The following PPP1R16B variants were observed in gnomAD, a reference collection of about 807,000 sequenced individuals.
PPP1R16B encodes the protein protein phosphatase 1 regulatory subunit 16B, also known as protein phosphatase 1 regulatory inhibitor subunit 16B.
A neutral mutation model predicts 61.7 loss-of-function variants in PPP1R16B; 14 were observed. That is an observed-to-expected ratio of 0.23 (90% CI 0.15 to 0.35). The LOEUF is 0.35. PPP1R16B is among the 10% of genes least tolerant of loss of function. The pLI is 1.00. For synonymous variants in PPP1R16B, 266 were observed against 305.3 expected (o/e 0.87, Z 1.34); for missense variants, 547 against 752.5 (o/e 0.73, Z 3.19).
At chr20:38,862,832 T>G (rs1291778010) in intron 2 of PPP1R16B, among the ~76,000 whole-genome samples, 1 of 152,224 alleles carries the variant, frequency 6.6e-6, no homozygotes, top group Non-Finnish European at 1.5e-5. Context: ...CCATCAGTTA[T>G]GGCCTTTGGA....
At chr20:38,852,815 C>T (rs569966110) in intron 2 of PPP1R16B, among the ~76,000 whole-genome samples, 26 of 145,626 alleles carry the variant, frequency 1.8e-4, no homozygotes, top group African/African-American at 6.7e-4. Flanking sequence ...GCTCTGTTGC[C>T]CAGGCTGGAG....
chr20:38,862,230 C>G (rs550084277), intron 2 of PPP1R16B, among the ~76,000 whole-genome samples: 1 of 152,218 alleles, frequency 6.6e-6, no homozygotes, highest in Non-Finnish European at 1.5e-5. Flanking sequence ...GACCCTGAGC[C>G]AGTCCTCATT....
chr20:38,861,558 C>T (rs887507611), intron 2 of PPP1R16B, among the ~76,000 whole-genome samples: 3 of 152,094 alleles, frequency 2.0e-5, no homozygotes, highest in Admixed American at 1.3e-4. Context: ...CTGACCTGTC[C>T]GTTTTCACCC....
At chr20:38,833,678 G>T (rs1414538099) in intron 1 of PPP1R16B, among the ~76,000 whole-genome samples, 2 of 152,246 alleles carry the variant, frequency 1.3e-5, no homozygotes, top group African/African-American at 4.8e-5. Context: ...CAGCTAGCTT[G>T]TCTCCCATTG....
intron 1 of PPP1R16B, among the ~76,000 whole-genome samples, chr20:38,832,874 C>T (rs1043246490): frequency 3.3e-5 from 5 of 149,400 alleles, no homozygotes; most frequent in East Asian, 2.0e-4. Context: ...GCCGAGATCA[C>T]GCCATTGCAC....
chr20:38,831,922 C>T (rs1232132274), intron 1 of PPP1R16B, among the ~76,000 whole-genome samples: 4 of 152,234 alleles, frequency 2.6e-5, no homozygotes, highest in Non-Finnish European at 5.9e-5. Context: ...TGGGCAGCCA[C>T]GTCCTCTTCG....
intron 2 of PPP1R16B, among the ~76,000 whole-genome samples, chr20:38,858,990 C>A (rs945807764): frequency 8.5e-5 from 13 of 152,298 alleles, no homozygotes; most frequent in African/African-American, 2.6e-4. Flanking sequence ...CAGAGTCAGA[C>A]TTCTTGGATG....
chr20:38,864,125 T>A (rs1039283074), intron 2 of PPP1R16B, among the ~76,000 whole-genome samples: 3 of 152,194 alleles, frequency 2.0e-5, no homozygotes, highest in African/African-American at 7.2e-5. Context: ...TGGTATGAAA[T>A]GTCCAGAATA....
At chr20:38,855,747 C>T (rs1398575940) in intron 2 of PPP1R16B, among the ~76,000 whole-genome samples, 1 of 151,404 alleles carries the variant, frequency 6.6e-6, no homozygotes, top group Non-Finnish European at 1.5e-5. Context: ...AGTGGGGTGC[C>T]CCCATTGTGG....
chr20:38,852,768 T>TTTGGGGGGG (rs1601257219), intron 2 of PPP1R16B, among the ~76,000 whole-genome samples: 1 of 62,336 alleles, frequency 1.6e-5, no homozygotes, highest in African/African-American at 6.7e-5. Flanking sequence ...TTTTTTTTTT[T>TTTGGGGGGG]GCGGGGGGTG....
intron 2 of PPP1R16B, among the ~76,000 whole-genome samples, chr20:38,871,609 G>A (rs930906090): frequency 7.3e-6 from 1 of 137,160 alleles, no homozygotes; most frequent in Middle Eastern, 3.3e-3. Flanking sequence ...AGGGAGGGAA[G>A]GAAGGAGGGA....
At chr20:38,850,241 A>G (rs909413125) in intron 2 of PPP1R16B, among the ~76,000 whole-genome samples, 6 of 152,182 alleles carry the variant, frequency 3.9e-5, no homozygotes, top group Non-Finnish European at 8.8e-5. Flanking sequence ...TAATGGCTAG[A>G]TAAGGGAAGC....
intron 1 of PPP1R16B, among the ~76,000 whole-genome samples, chr20:38,829,657 A>G (rs1297582765): frequency 6.6e-6 from 1 of 152,204 alleles, no homozygotes; most frequent in Non-Finnish European, 1.5e-5. Flanking sequence ...CAGGTCTTAC[A>G]AGGAGGACAG....
intron 1 of PPP1R16B, among the ~76,000 whole-genome samples, chr20:38,812,571 T>A (rs572726318): frequency 9.7e-4 from 148 of 152,284 alleles, no homozygotes; most frequent in African/African-American, 3.4e-3. Context: ...CTCAATTCTG[T>A]ACGAAAGAGG....
intron 1 of PPP1R16B, among the ~76,000 whole-genome samples, chr20:38,819,828 C>G (rs2084761535): frequency 1.3e-5 from 2 of 152,044 alleles, no homozygotes; most frequent in Non-Finnish European, 2.9e-5. Context: ...AAAACAAATA[C>G]ACAAAAGTAC....
intron 2 of PPP1R16B, among the ~76,000 whole-genome samples, chr20:38,838,705 T>A (rs2084889153): frequency 6.6e-6 from 1 of 152,220 alleles, no homozygotes; most frequent in South Asian, 2.1e-4. Flanking sequence ...TTGACTGCCT[T>A]CTTCCCTGAC....
At chr20:38,912,516 A>C (rs966809499) in intron 10 of PPP1R16B, among the ~76,000 whole-genome samples, 4 of 151,534 alleles carry the variant, frequency 2.6e-5, no homozygotes, top group African/African-American at 7.3e-5. Context: ...AAAAAAAAAA[A>C]AAAAAAACAA....
Position 38,836,153 on chromosome 20 carries a change from G to A in PPP1R16B, c.228G>A (p.Ser76=), listed in dbSNP as rs1168168042. 1 of 1,611,010 alleles carries A rather than the reference G, an allele frequency of 6.2e-7. No individual in the cohort carries two copies. The highest frequency in any genetic ancestry group is 8.5e-7 in the Non-Finnish European group (1 of 1,179,416). The change falls in exon 2 of 11, where the codon TCG becomes TCA. Residue 76 remains serine, a synonymous_variant. Transcript: ENST00000299824. ...CCAGCGTGGCCCTGCTGGAGGCCTC[G>A]CTGAGGAACGACGCCGAGGAAGGTA... The part of the protein sequence containing the change: ...FEASVALLEA[S]LRNDAEEVRY...
At chr20:38,828,217 C>T (rs747216209) in intron 1 of PPP1R16B, among the ~76,000 whole-genome samples, 5 of 152,196 alleles carry the variant, frequency 3.3e-5, no homozygotes, top group Non-Finnish European at 7.3e-5. Flanking sequence ...AGCCTGGGCC[C>T]GCTTCTCCCA....
Sources: allele counts gnomAD v4.1 joint callset (sites outside exome capture counted in the v4.1 genomes callset), GRCh38; gene constraint gnomAD v4.1.1; transcripts MANE v1.5; gene names NCBI Gene and HGNC (gene_info 2026-07-23, HGNC 2026-07-21).